HCLS1: variants seen among roughly 807,000 people sequenced by gnomAD.
The protein encoded by HCLS1 is hematopoietic lineage cell-specific protein.
Under a neutral mutation model 68.6 loss-of-function variants are expected in HCLS1, and 44 were observed. The ratio of observed to expected loss-of-function variants is 0.64; its 90% CI spans 0.50 to 0.82. The LOEUF (loss-of-function observed/expected upper bound fraction) is 0.82, where lower values mean the gene tolerates loss of function less well. Among genes scored for constraint, HCLS1 ranks in the 40% least tolerant of loss-of-function variants. The pLI, the probability that HCLS1 is intolerant of heterozygous loss-of-function variation, is 0.00. For missense variants in HCLS1, 602 were observed against 612.1 expected, an observed-to-expected ratio of 0.98 and a Z score of 0.17; for synonymous variants, 217 against 225.8, an observed-to-expected ratio of 0.96 and a Z score of 0.35.
intron 2 of HCLS1, 182 bp downstream of exon 2, chr3:121,658,082 T>A (rs763750462): frequency 1.7e-5 from 10 of 576,286 alleles, no homozygotes; most frequent in South Asian, 1.3e-4. Context: ...TCATCCCTGA[T>A]ACCAGGTATC....
intron 6 of HCLS1, among the ~76,000 whole-genome samples, chr3:121,642,341 C>T (rs1282449273): frequency 4.1e-5 from 6 of 146,500 alleles, no homozygotes; most frequent in African/African-American, 1.3e-4. Flanking sequence ...TGCTGGCAGT[C>T]GCCTGTAGTC....
chr3:121,641,948 C>T (rs2049203875), intron 6 of HCLS1, among the ~76,000 whole-genome samples: 1 of 150,376 alleles, frequency 6.6e-6, no homozygotes, highest in South Asian at 2.1e-4. Context: ...GGCGTAGTGG[C>T]GGGTGCCTGT....
rs1038944067 is a variant in HCLS1 at position 121,657,227 on chromosome 3, T to C, written c.158+52A>G. 56 of 1,499,284 alleles carry C rather than the reference T, an allele frequency of 3.7e-5. No individual in the cohort carries two copies. In the Admixed American group the frequency reaches 6.5e-4, roughly 17 times the overall value. The allele number at this position is 1,499,284 out of a possible 1,614,324, so 92.9% of individuals were successfully genotyped here. ...CTTCCCCCAAGTCTCCGAGTTTTCT[T>C]TGGGCTCTTCCCATAACCCCCTTCC... is the stretch of plus-strand genomic sequence containing the variant. On this transcript the variant is annotated intron_variant, in intron 3 of 13. Coordinates refer to ENST00000314583, the MANE Select transcript of HCLS1 (RefSeq NM_005335.6).
In HCLS1 at chr3:121,634,473, G is replaced by C. The variant is rs570766248; in HGVS notation, c.692-55C>G. ...TGTCTTGGATTGGAGAGTGGGGAAG[G>C]GCATGGCACTTGAAGGAAGAAGGGG... On this transcript the variant is annotated intron_variant, in intron 9 of 13. Coordinates refer to ENST00000314583, the MANE Select transcript of HCLS1 (RefSeq NM_005335.6). 9.1e-6 allele frequency: 14 copies of C among 1,533,940 alleles called. No individual in the cohort carries two copies. The South Asian group carries it at 1.4e-4, about 16-fold the overall frequency.
intron 5 of HCLS1, 55 bp downstream of exon 5, chr3:121,644,763 G>T: frequency 1.6e-6 from 2 of 1,224,070 alleles, no homozygotes; most frequent in Non-Finnish European, 2.4e-6. Flanking sequence ...GGGTGATCGT[G>T]GGCAATTTTC....
At chr3:121,658,095 G>T in intron 2 of HCLS1, 169 bp downstream of exon 2, 1 of 608,750 alleles carries the variant, frequency 1.6e-6, no homozygotes, top group East Asian at 2.8e-5. Flanking sequence ...CAGGTATCGT[G>T]CATGCCCCAC....
At chr3:121,655,680 G>GTTTTTTTTTTTTTTTTTTTTTTT (rs4048704) in intron 3 of HCLS1, 1 of 118,306 alleles carries the variant, frequency 8.5e-6, no homozygotes, top group African/African-American at 3.2e-5. Context: ...GGGTCTTGTG[G>GTTTTTTTTTTTTTTTTTTTTTTT]TTTTTTTTTT....
intron 5 of HCLS1, 112 bp from the exon 6 acceptor site, chr3:121,643,093 C>T (rs1576464412): frequency 2.5e-6 from 2 of 796,790 alleles, no homozygotes; most frequent in Admixed American, 1.8e-5. Context: ...GGGCTTCAGG[C>T]TGAGTATAGG....
At chr3:121,637,042 A>C (rs1315476490) in intron 7 of HCLS1, 104 bp downstream of exon 7, 2 of 774,148 alleles carry the variant, frequency 2.6e-6, no homozygotes, top group Non-Finnish European at 4.6e-6. Flanking sequence ...CCTGCTCTGC[A>C]CATCTGCCCC....
intron 6 of HCLS1, among the ~76,000 whole-genome samples, chr3:121,640,672 C>T (rs936599350): frequency 6.6e-6 from 1 of 151,280 alleles, no homozygotes; most frequent in Non-Finnish European, 1.5e-5. Context: ...TGCCTGTAAT[C>T]CCAGCACTTT....
intron 1 of HCLS1, among the ~76,000 whole-genome samples, chr3:121,658,557 C>T (rs1023335691): frequency 7.2e-5 from 11 of 151,960 alleles, no homozygotes; most frequent in African/African-American, 1.5e-4. Context: ...TTAATCAAGA[C>T]GAATTGATGT....
Position 121,644,719 on chromosome 3 carries a change from G to T in HCLS1, c.399+99C>A, listed in dbSNP as rs551481350. ...AGGTCCTCACAGCATCCACTGTCCT[G>T]TCTTTCAACAAAGAAGCATGTGCCT... On this transcript the variant is annotated intron_variant, in intron 5 of 13. Transcript: ENST00000314583. The T allele has an allele frequency of 9.3e-5, 81 of 867,382 alleles. No individual in the cohort carries two copies. In the East Asian group the frequency reaches 1.0e-3, roughly 11 times the overall value. 53.7% of individuals were successfully genotyped at this position (867,382 alleles called of 1,614,324 possible).
chr3:121,635,708 C>A (rs750121257), intron 9 of HCLS1, 27 bp downstream of exon 9: 25 of 1,562,758 alleles, frequency 1.6e-5, no homozygotes, highest in Admixed American at 8.3e-5. Context: ...AAGTGAGGTG[C>A]ATGGAGAGTG....
chr3:121,639,397 T>C (rs1259290061), intron 6 of HCLS1, among the ~76,000 whole-genome samples: 2 of 152,190 alleles, frequency 1.3e-5, no homozygotes, highest in East Asian at 3.8e-4. Context: ...AAAGTAGAAG[T>C]CAATACCAAT....
At chr3:121,657,935 TC>T in intron 2 of HCLS1, 1 of 277,630 alleles carries the variant, frequency 3.6e-6, no homozygotes. Context: ...AGCTTTTTAA[TC>T]CCCCAATTAC....
intron 6 of HCLS1, among the ~76,000 whole-genome samples, chr3:121,637,698 G>A (rs567851639): frequency 6.6e-6 from 1 of 152,286 alleles, no homozygotes; most frequent in East Asian, 1.9e-4. Context: ...CACTTCAGGG[G>A]CCGAGGCAGG....
intron 5 of HCLS1, chr3:121,644,305 C>A: frequency 4.8e-6 from 1 of 210,346 alleles, no homozygotes; most frequent in Admixed American, 5.1e-5. Flanking sequence ...TTTAAAACAA[C>A]ATTTTGTTTT....
At position 121,644,938 on chromosome 3, in the gene HCLS1, A is replaced by G. The variant is rs2049232142; in HGVS notation, c.289-10T>C. Reference sequence around the variant, plus strand: ...CATGGCCCACTGCACTCTGAGAAAAATCAAGGATGGAGTGAGTGAAAAGAT... The same window carrying G: ...CATGGCCCACTGCACTCTGAGAAAAGTCAAGGATGGAGTGAGTGAAAAGAT... On this transcript the variant is annotated splice_polypyrimidine_tract_variant and intron_variant, in intron 4 of 13. Coordinates refer to ENST00000314583, the MANE Select transcript of HCLS1 (RefSeq NM_005335.6). 6.3e-7 allele frequency: 1 copy of G among 1,593,652 alleles called. No homozygotes were observed. Among genetic ancestry groups the G allele is most frequent in the Non-Finnish European group, 8.6e-7 (1 of 1,161,226 alleles).
In HCLS1 at chr3:121,634,200, C is replaced by A; in HGVS notation, c.903+7G>T. 6.2e-7 allele frequency: 1 copy of A among 1,614,010 alleles called. No individual in the cohort carries two copies. The highest frequency in any genetic ancestry group is 1.1e-5 in the South Asian group (1 of 91,078). Reference sequence around the variant, plus strand: ...TGGATGTGGATCCCAGAGGGCCAGGCGCTCACCTCTGAGGAGATTTTCTTG... The same window carrying A: ...TGGATGTGGATCCCAGAGGGCCAGGAGCTCACCTCTGAGGAGATTTTCTTG... On this transcript the variant is annotated splice_region_variant and intron_variant, in intron 10 of 13. Transcript: ENST00000314583.
Sources: allele counts gnomAD v4.1 joint callset (sites outside exome capture counted in the v4.1 genomes callset), GRCh38; gene constraint gnomAD v4.1.1; transcripts MANE v1.5; gene names NCBI Gene and HGNC (gene_info 2026-07-23, HGNC 2026-07-21).